The following ZDHHC17 variants were observed in gnomAD, a reference collection of about 807,000 sequenced individuals.
The protein encoded by ZDHHC17 is zDHHC palmitoyltransferase 17.
A neutral mutation model predicts 90.3 loss-of-function variants in ZDHHC17; 40 were observed. The observed-to-expected ratio is 0.44, with a 90% CI of 0.34 to 0.58. The LOEUF is 0.58. ZDHHC17 is among the 20% of genes least tolerant of loss of function. The pLI, the probability that ZDHHC17 is intolerant of heterozygous loss-of-function variation, is 0.01. For missense variants in ZDHHC17, 614 were observed against 780.8 expected (o/e 0.79, Z 2.55); for synonymous variants, 235 against 252.4 (o/e 0.93, Z 0.65).
chr12:76,784,502 C>T (rs1320244232), intron 1 of ZDHHC17, among the ~76,000 whole-genome samples: 3 of 152,128 alleles, frequency 2.0e-5, no homozygotes, highest in Admixed American at 6.6e-5. Context: ...GAAGGTGAAG[C>T]TGGTGGCAGA....
At chr12:76,830,666 A>G (rs572645238) in intron 10 of ZDHHC17, among the ~76,000 whole-genome samples, 2 of 152,326 alleles carry the variant, frequency 1.3e-5, no homozygotes, top group African/African-American at 4.8e-5. Context: ...AAATGACTTT[A>G]GTATTCCAGA....
In ZDHHC17 at chr12:76,842,902, AT is replaced by A; in HGVS notation, c.1267-10del. 2 of 1,582,404 alleles carry A rather than the reference AT, an allele frequency of 1.3e-6. No homozygotes were observed. The highest frequency in any genetic ancestry group is 1.7e-6 in the Non-Finnish European group (2 of 1,158,724). On this transcript the variant is annotated splice_polypyrimidine_tract_variant and intron_variant, in intron 11 of 16. Coordinates refer to ENST00000426126, the MANE Select transcript of ZDHHC17 (RefSeq NM_015336.4). Reference sequence around the variant, plus strand: ...ATTGTTCAGTTTTGAATTAAATATTATTTTTTTAATTCACAGACAATAGTTG... The same window carrying A: ...ATTGTTCAGTTTTGAATTAAATATTATTTTTTAATTCACAGACAATAGTTG...
intron 14 of ZDHHC17, among the ~76,000 whole-genome samples, chr12:76,847,256 C>T (rs1037109524): frequency 3.9e-5 from 6 of 152,136 alleles, no homozygotes; most frequent in African/African-American, 1.2e-4. Flanking sequence ...TAAGTGGATA[C>T]GTCACTTACG....
intron 1 of ZDHHC17, among the ~76,000 whole-genome samples, chr12:76,790,875 TTAGGAGGAATAAGTCC>T (rs1952751851): frequency 6.6e-6 from 1 of 151,946 alleles, no homozygotes. Flanking sequence ...GTACAGCTAG[TTAGGAGGAATAAGTCC>T]TAGTGTTCTA....
chr12:76,796,300 AAC>A (rs1175317215), intron 1 of ZDHHC17, among the ~76,000 whole-genome samples: 1 of 152,176 alleles, frequency 6.6e-6, no homozygotes, highest in African/African-American at 2.4e-5. Context: ...AAATATCAGA[AAC>A]ACAGCATTTT....
At chr12:76,835,923 C>CCTT (rs200979444) in intron 10 of ZDHHC17, among the ~76,000 whole-genome samples, 21 of 150,826 alleles carry the variant, frequency 1.4e-4, no homozygotes, top group African/African-American at 3.7e-4. Context: ...TCTACACCCC[C>CCTT]TTTTTTTTAA....
At position 76,846,858 on chromosome 12, in the gene ZDHHC17, G is replaced by A. The variant is rs184892918; in HGVS notation, c.1507+179G>A. 5.9e-3 allele frequency among the ~76,000 whole-genome samples: 892 copies of A among 152,298 alleles called. 10 individuals carry two copies. Among genetic ancestry groups the A allele is most frequent in the African/African-American group, 0.021 (868 of 41,580 alleles). The stretch of plus-strand genomic sequence containing the variant: ...CTCTATCAATTATGTCCAATATACA[G>A]TGTAAGCAAACAGTTAGCAGTTAAC... On this transcript the variant is annotated intron_variant, in intron 14 of 16. Coordinates refer to ENST00000426126, the MANE Select transcript of ZDHHC17 (RefSeq NM_015336.4).
intron 1 of ZDHHC17, chr12:76,764,806 C>T (rs1473828288): frequency 2.2e-6 from 1 of 457,050 alleles, no homozygotes; most frequent in South Asian, 1.5e-5. Flanking sequence ...TAGTGATGTC[C>T]TTCCAGGTAA....
At chr12:76,842,208 A>T (rs1372268008) in intron 11 of ZDHHC17, 102 bp downstream of exon 11, 3 of 1,224,142 alleles carry the variant, frequency 2.5e-6, no homozygotes, top group African/African-American at 1.6e-5. Flanking sequence ...TTAGAATGTA[A>T]AGAAGTTTTA....
intron 3 of ZDHHC17, among the ~76,000 whole-genome samples, chr12:76,807,763 C>G (rs112352596): frequency 0.019 from 2,918 of 152,176 alleles, 45 homozygotes; most frequent in Non-Finnish European, 0.027. Context: ...ATCTCAGGAA[C>G]AGTTGACTAT....
intron 5 of ZDHHC17, among the ~76,000 whole-genome samples, chr12:76,810,263 A>G (rs894438358): frequency 1.3e-5 from 2 of 152,148 alleles, no homozygotes; most frequent in African/African-American, 2.4e-5. Flanking sequence ...TTTCTGCTGT[A>G]TAAGATAATG....
At chr12:76,798,950 A>G (rs1297011495) in intron 2 of ZDHHC17, among the ~76,000 whole-genome samples, 4 of 152,204 alleles carry the variant, frequency 2.6e-5, no homozygotes, top group Non-Finnish European at 5.9e-5. Flanking sequence ...GGGGATTACA[A>G]TTGAACATAA....
chr12:76,842,224 A>G, intron 11 of ZDHHC17, 118 bp downstream of exon 11: 1 of 1,111,622 alleles, frequency 9.0e-7, no homozygotes, highest in Non-Finnish European at 1.2e-6. Context: ...TTTTAAGCTA[A>G]ATTGAGATTA....
At chr12:76,776,312 T>C (rs1373643884) in intron 1 of ZDHHC17, among the ~76,000 whole-genome samples, 1 of 152,190 alleles carries the variant, frequency 6.6e-6, no homozygotes, top group Non-Finnish European at 1.5e-5. Flanking sequence ...ATGATTATTG[T>C]AAAAAATTTA....
chr12:76,820,157 C>T (rs1371016856), intron 7 of ZDHHC17, among the ~76,000 whole-genome samples: 2 of 151,772 alleles, frequency 1.3e-5, no homozygotes, highest in African/African-American at 2.4e-5. Flanking sequence ...CCATGGACCC[C>T]TGAAATTGTT....
intron 10 of ZDHHC17, among the ~76,000 whole-genome samples, chr12:76,833,368 G>T (rs1270771258): frequency 1.3e-5 from 2 of 152,294 alleles, no homozygotes; most frequent in Admixed American, 1.3e-4. Context: ...TAAGAGTTTG[G>T]TGTTGGATTC....
At chr12:76,835,115 A>G (rs766056829) in intron 10 of ZDHHC17, among the ~76,000 whole-genome samples, 1 of 150,504 alleles carries the variant, frequency 6.6e-6, no homozygotes, top group African/African-American at 2.5e-5. Flanking sequence ...CATTGGCGCA[A>G]TCTCAACTCA....
chr12:76,782,366 A>G (rs1384476731), intron 1 of ZDHHC17, among the ~76,000 whole-genome samples: 1 of 152,206 alleles, frequency 6.6e-6, no homozygotes, highest in Non-Finnish European at 1.5e-5. Context: ...GAGTTATGGA[A>G]GGCCCAGAGA....
intron 10 of ZDHHC17, among the ~76,000 whole-genome samples, chr12:76,838,019 C>T (rs963915672): frequency 1.1e-4 from 17 of 151,800 alleles, no homozygotes; most frequent in Non-Finnish European, 1.0e-4. Flanking sequence ...TGTTTTTATC[C>T]TCCTTGTGTT....
Sources: gnomAD v4.1 joint callset for allele counts (sites outside exome capture counted in the v4.1 genomes callset) on GRCh38, gnomAD v4.1.1 for gene constraint, MANE v1.5 for transcripts, NCBI Gene and HGNC (gene_info 2026-07-23, HGNC 2026-07-21) for gene names.